Variants in CHRDL1 observed in about 807,000 individuals in gnomAD.
The protein encoded by CHRDL1 is chordin-like protein 1.
A neutral mutation model predicts 40.9 loss-of-function variants in CHRDL1; 19 were observed. The observed-to-expected ratio is 0.46, with a 90% CI of 0.32 to 0.68. The LOEUF (loss-of-function observed/expected upper bound fraction) is 0.68. Among genes scored for constraint, CHRDL1 ranks in the 30% least tolerant of loss-of-function variants. CHRDL1 has a pLI of 0.03. For missense variants in CHRDL1, 329 were observed against 352.1 expected (o/e 0.93, Z 0.53); for synonymous variants, 136 against 123.4 (o/e 1.10, Z -0.68).
At chrX:110,789,106 G>A (rs1417528926) in intron 2 of CHRDL1, among the ~76,000 whole-genome samples, 2 of 111,528 alleles carry the variant, frequency 1.8e-5, no homozygotes, top group African/African-American at 3.3e-5. Flanking sequence ...AATATAAAAG[G>A]TTAATAAGTA....
At chrX:110,729,719 G>A (rs986829633) in intron 4 of CHRDL1, among the ~76,000 whole-genome samples, 3 of 111,760 alleles carry the variant, frequency 2.7e-5, no homozygotes, top group African/African-American at 9.8e-5. Flanking sequence ...ACCTGTCCTA[G>A]GGAGAGGAGA....
At chrX:110,717,823 T>G (rs1228238115) in intron 6 of CHRDL1, among the ~76,000 whole-genome samples, 1 of 111,633 alleles carries the variant, frequency 9.0e-6, no homozygotes, top group Non-Finnish European at 1.9e-5. Flanking sequence ...TGTATAGAAG[T>G]CACCTACACA....
At chrX:110,761,960 A>G (rs376414862) in intron 3 of CHRDL1, among the ~76,000 whole-genome samples, 2 of 112,682 alleles carry the variant, frequency 1.8e-5, no homozygotes, top group African/African-American at 6.4e-5. Flanking sequence ...AATTACAGTT[A>G]TTGGCTGAGA....
rs888636282 is a variant in CHRDL1, at chrX:110,764,958, GTTGT to G, written c.95-2155_95-2152del. Among the ~76,000 whole-genome samples, 26 of 111,413 alleles carry G rather than the reference GTTGT, an allele frequency of 2.3e-4. 1 individual carries two copies. Among genetic ancestry groups the G allele is most frequent in the African/African-American group, 8.5e-4 (26 of 30,607 alleles). On this transcript the variant is annotated intron_variant, in intron 2 of 11. Coordinates refer to ENST00000372042, the MANE Select transcript of CHRDL1 (RefSeq NM_001143981.2). ...TCTCTGCTCTCGAACCCTGTTTTCT[GTTGT>G]TTAAGATGTTTATCAAGACAATAAG...
At chrX:110,761,433 C>T (rs961192528) in intron 3 of CHRDL1, among the ~76,000 whole-genome samples, 1 of 111,299 alleles carries the variant, frequency 9.0e-6, no homozygotes, top group Non-Finnish European at 1.9e-5. Flanking sequence ...GAGGTGCAGT[C>T]CTTACAAAAG....
chrX:110,783,130 A>AT (rs1246561921), intron 2 of CHRDL1, among the ~76,000 whole-genome samples: 42 of 111,387 alleles, frequency 3.8e-4, no homozygotes, highest in African/African-American at 3.3e-4. Context: ...AAACATTATA[A>AT]TTTTTTTTTC....
At chrX:110,793,158 T>G (rs1043308198) in intron 1 of CHRDL1, among the ~76,000 whole-genome samples, 4 of 112,369 alleles carry the variant, frequency 3.6e-5, no homozygotes, top group African/African-American at 1.3e-4. Flanking sequence ...TCAATCTGAA[T>G]GGGAAATGAA....
chrX:110,687,013 C>A (rs1218641754), intron 9 of CHRDL1, among the ~76,000 whole-genome samples: 1 of 111,072 alleles, frequency 9.0e-6, no homozygotes, highest in Non-Finnish European at 1.9e-5. Context: ...TCCTTCCTGT[C>A]CACACGCTGC....
intron 4 of CHRDL1, among the ~76,000 whole-genome samples, chrX:110,731,577 G>T (rs144376608): frequency 6.3e-5 from 7 of 111,594 alleles, no homozygotes; most frequent in African/African-American, 9.8e-5. Context: ...ATAGTTAAAA[G>T]ATGGAAACAA....
At chrX:110,786,479 C>T (rs1428782413) in intron 2 of CHRDL1, among the ~76,000 whole-genome samples, 1 of 111,692 alleles carries the variant, frequency 9.0e-6, no homozygotes, top group African/African-American at 3.2e-5. Flanking sequence ...CTTGTTCCAC[C>T]TCCCCAGCCC....
At position 110,674,457 on chromosome X, in the gene CHRDL1, C is replaced by CCCCA. The variant is rs2069731317; in HGVS notation, c.*1773_*1774insTGGG. 1 of 78,937 alleles carries CCCCA rather than the reference C, an allele frequency of 1.3e-5. No homozygotes were observed. Among genetic ancestry groups the CCCCA allele is most frequent in the African/African-American group, 5.2e-5 (1 of 19,210 alleles). 6.5% of individuals were successfully genotyped at this position (78,937 alleles called of 1,213,427 possible). On this transcript the variant is annotated 3_prime_UTR_variant, in exon 12 of 12. Coordinates refer to ENST00000372042, the MANE Select transcript of CHRDL1 (RefSeq NM_001143981.2). Reference sequence around the variant, plus strand: ...GCCGCATAACACCTTCCCCCCTTTACCACACACACACACACACACACACAC... The same window carrying CCCCA: ...GCCGCATAACACCTTCCCCCCTTTACCCCACACACACACACACACACACACACAC...
chrX:110,709,518 C>T (rs774867945), intron 6 of CHRDL1, among the ~76,000 whole-genome samples: 3 of 112,339 alleles, frequency 2.7e-5, no homozygotes, highest in Non-Finnish European at 3.8e-5. Flanking sequence ...GAGATTTCTT[C>T]GGCTCACACC....
chrX:110,766,706 C>T (rs2089668360), intron 2 of CHRDL1, among the ~76,000 whole-genome samples: 2 of 162 alleles, frequency 0.012, no homozygotes, highest in Non-Finnish European at 0.024. Flanking sequence ...TTAAAAATTA[C>T]CAACAAAAAA....
At chrX:110,711,327 G>A (rs931001293) in intron 6 of CHRDL1, among the ~76,000 whole-genome samples, 1 of 111,009 alleles carries the variant, frequency 9.0e-6, no homozygotes. Flanking sequence ...GACACTTAAC[G>A]AGATTTACCC....
chrX:110,725,222 A>G (rs779766889), intron 4 of CHRDL1, among the ~76,000 whole-genome samples: 6 of 112,110 alleles, frequency 5.4e-5, no homozygotes, highest in African/African-American at 1.9e-4. Flanking sequence ...GGATGATCTC[A>G]TATGTAAGCA....
chrX:110,703,977 G>C (rs1454024444), intron 6 of CHRDL1, among the ~76,000 whole-genome samples: 2 of 111,237 alleles, frequency 1.8e-5, no homozygotes, highest in Admixed American at 9.7e-5. Context: ...AGGGAGGAGA[G>C]GGAGAGCGAA....
chrX:110,761,716 C>A (rs1249197666), intron 3 of CHRDL1, among the ~76,000 whole-genome samples: 2 of 112,302 alleles, frequency 1.8e-5, no homozygotes, highest in Non-Finnish European at 3.8e-5. Flanking sequence ...ATAGTGCAAA[C>A]AAGAAACTCT....
chrX:110,777,405 T>C (rs2089869863), intron 2 of CHRDL1, among the ~76,000 whole-genome samples: 1 of 111,444 alleles, frequency 9.0e-6, no homozygotes, highest in South Asian at 3.7e-4. Context: ...GTATGTTTAG[T>C]TTTGTAAGAA....
Position 110,684,857 on chromosome X carries a change from C to T in CHRDL1, c.989-3208G>A, listed in dbSNP as rs767995955. On this transcript the variant is annotated intron_variant, in intron 9 of 11. Transcript: ENST00000372042. ...TGTGACTAAGGAGTGATTCAACATGCAGACACCCATGTCTGGCTCACTGAG... is the reference window on the plus strand; with the variant it reads ...TGTGACTAAGGAGTGATTCAACATGTAGACACCCATGTCTGGCTCACTGAG... Among the ~76,000 whole-genome samples, 6 of 112,221 alleles carry T rather than the reference C, an allele frequency of 5.3e-5. No homozygotes were observed. In the South Asian group the frequency reaches 1.9e-3, roughly 35 times the overall value.
Sources: allele counts gnomAD v4.1 joint callset (sites outside exome capture counted in the v4.1 genomes callset), GRCh38; gene constraint gnomAD v4.1.1; transcripts MANE v1.5; gene names NCBI Gene and HGNC (gene_info 2026-07-23, HGNC 2026-07-21).